SETD7: variants seen among roughly 807,000 people sequenced by gnomAD.
SETD7 encodes the protein SET domain containing 7, histone lysine methyltransferase.
In SETD7, 16 loss-of-function variants were observed where a neutral mutation model predicts 41.8. The ratio of observed to expected loss-of-function variants is 0.38; its 90% CI spans 0.26 to 0.58. The LOEUF is 0.58. Among genes scored for constraint, SETD7 ranks in the 20% least tolerant of loss-of-function variants. The pLI is 0.64. For synonymous variants in SETD7, 163 were observed against 169.7 expected, an observed-to-expected ratio of 0.96 and a Z score of 0.31; for missense variants, 346 against 459.7, an observed-to-expected ratio of 0.75 and a Z score of 2.26.
At chr4:139,514,326 T>C (rs983228922) in intron 7 of SETD7, among the ~76,000 whole-genome samples, 2 of 151,906 alleles carry the variant, frequency 1.3e-5, no homozygotes, top group African/African-American at 4.8e-5. Context: ...CTAAAAAAAA[T>C]GTTCCTGAAA....
chr4:139,545,225 C>T (rs1219503621), intron 2 of SETD7, among the ~76,000 whole-genome samples: 1 of 152,062 alleles, frequency 6.6e-6, no homozygotes, highest in East Asian at 1.9e-4. Flanking sequence ...CTCTGTCACC[C>T]AGGCTGGAGT....
At chr4:139,548,978 T>C (rs528303473) in intron 1 of SETD7, among the ~76,000 whole-genome samples, 1 of 152,318 alleles carries the variant, frequency 6.6e-6, no homozygotes, top group East Asian at 1.9e-4. Context: ...AAATATCTGA[T>C]GCCATTTCTC....
intron 4 of SETD7, among the ~76,000 whole-genome samples, chr4:139,526,991 T>C (rs763052493): frequency 6.6e-6 from 1 of 152,240 alleles, no homozygotes; most frequent in Non-Finnish European, 1.5e-5. Flanking sequence ...ATATACGACA[T>C]GCATCACTTA....
intron 2 of SETD7, among the ~76,000 whole-genome samples, chr4:139,543,665 T>C (rs1004604352): frequency 1.7e-4 from 26 of 152,024 alleles, no homozygotes; most frequent in African/African-American, 5.8e-4. Context: ...TAAAAATTAG[T>C]GAATTGGGTG....
At chr4:139,530,748 A>G (rs1476890120) in intron 3 of SETD7, among the ~76,000 whole-genome samples, 1 of 152,216 alleles carries the variant, frequency 6.6e-6, no homozygotes, top group Non-Finnish European at 1.5e-5. Context: ...TTATTTGTCC[A>G]GAATGATAAA....
intron 4 of SETD7, among the ~76,000 whole-genome samples, chr4:139,525,171 G>A (rs1727291486): frequency 6.6e-6 from 1 of 152,162 alleles, no homozygotes; most frequent in Non-Finnish European, 1.5e-5. Flanking sequence ...CTATTGAGTG[G>A]AAATTTTCCT....
At chr4:139,526,407 T>C (rs2725780) in intron 4 of SETD7, among the ~76,000 whole-genome samples, 68,045 of 150,088 alleles carry the variant, frequency 0.45, 17,179 homozygotes, top group Admixed American at 0.54. Flanking sequence ...GTAGCTGAGA[T>C]TACAGACACA....
intron 3 of SETD7, among the ~76,000 whole-genome samples, chr4:139,530,755 T>C (rs1188739774): frequency 2.0e-5 from 3 of 152,228 alleles, no homozygotes; most frequent in Non-Finnish European, 4.4e-5. Context: ...TCCAGAATGA[T>C]AAAGTAGAAA....
chr4:139,530,361 T>C (rs74370628), intron 3 of SETD7, among the ~76,000 whole-genome samples: 1 of 66,572 alleles, frequency 1.5e-5, no homozygotes. Context: ...GCTGCCTTTT[T>C]TTTTTTTTTT....
At chr4:139,512,680 G>A (rs1467133132) in intron 7 of SETD7, among the ~76,000 whole-genome samples, 1 of 150,982 alleles carries the variant, frequency 6.6e-6, no homozygotes, top group Non-Finnish European at 1.5e-5. Context: ...ATGGCCAGAA[G>A]AAATCAGCTT....
intron 2 of SETD7, among the ~76,000 whole-genome samples, chr4:139,537,564 C>T (rs1477398002): frequency 6.6e-6 from 1 of 152,224 alleles, no homozygotes; most frequent in Non-Finnish European, 1.5e-5. Context: ...TTACAGAACA[C>T]TCCATGTCTT....
rs113317997 is a variant in SETD7, at chr4:139,518,317, C to T, written c.763-275G>A. The stretch of plus-strand genomic sequence containing the variant: ...CTAGTTTTTGTATATTTTGTAGAGA[C>T]GGGGTTTCACCATGTTGGCCAGGCT... On this transcript the variant is annotated intron_variant, in intron 6 of 7. Coordinates refer to ENST00000274031, the MANE Select transcript of SETD7 (RefSeq NM_030648.4). Among the ~76,000 whole-genome samples, 74 of 152,146 alleles carry T rather than the reference C, an allele frequency of 4.9e-4. No homozygotes were observed. The East Asian group carries it at 0.011, about 22-fold the overall frequency.
chr4:139,513,893 G>T (rs1285986718), intron 7 of SETD7, among the ~76,000 whole-genome samples: 2 of 152,234 alleles, frequency 1.3e-5, no homozygotes, highest in Admixed American at 6.5e-5. Flanking sequence ...GAACACAAAA[G>T]TGAACAGTTA....
chr4:139,545,497 C>G (rs2111170303), intron 2 of SETD7, among the ~76,000 whole-genome samples: 1 of 152,260 alleles, frequency 6.6e-6, no homozygotes, highest in Non-Finnish European at 1.5e-5. Context: ...AGTAAAATAT[C>G]TGACAATTTA....
chr4:139,503,179 G>GAAA (rs11388022), downstream of SETD7, among the ~76,000 whole-genome samples: 65 of 72,904 alleles, frequency 8.9e-4, 1 homozygote, highest in Non-Finnish European at 9.7e-4. Context: ...CTCTGTCTCA[G>GAAA]AAAAAAAAAA....
intron 4 of SETD7, among the ~76,000 whole-genome samples, chr4:139,527,553 G>A (rs1430358905): frequency 2.0e-5 from 3 of 152,060 alleles, no homozygotes; most frequent in Non-Finnish European, 4.4e-5. Context: ...GTGAAATCCT[G>A]TCCCTTAAAA....
Position 139,506,322 on chromosome 4 carries a change from C to A in SETD7, c.*5341G>T, listed in dbSNP as rs554275100. The A allele has an allele frequency of 6.6e-6, 1 of 152,596 alleles. No homozygotes were observed. The highest frequency in any genetic ancestry group is 1.5e-5 in the Non-Finnish European group (1 of 68,038). 9.5% of individuals were successfully genotyped at this position (152,596 alleles called of 1,614,324 possible). A position where few individuals can be genotyped will look rare whatever the true frequency, so the allele number is the denominator to read the frequency against. On this transcript the variant is annotated 3_prime_UTR_variant, in exon 8 of 8. Transcript: ENST00000274031. ...GTTTTAGTTCAAATTCCACAAGAGACCAAAGATGCTCGTTAACCGTGATGG... is the reference window on the plus strand; with the variant it reads ...GTTTTAGTTCAAATTCCACAAGAGAACAAAGATGCTCGTTAACCGTGATGG...
intron 7 of SETD7, among the ~76,000 whole-genome samples, chr4:139,499,560 C>A (rs776171661): frequency 6.6e-6 from 1 of 152,200 alleles, no homozygotes; most frequent in Non-Finnish European, 1.5e-5. Flanking sequence ...AAGACCCCCC[C>A]TCCCAGGAAC....
At chr4:139,504,120 T>C (rs1726647776), downstream of SETD7, among the ~76,000 whole-genome samples, 1 of 152,188 alleles carries the variant, frequency 6.6e-6, no homozygotes, top group South Asian at 2.1e-4. Flanking sequence ...TGTGAGATAG[T>C]AAACCTTCTT....
Sources: gnomAD v4.1 joint callset for allele counts (sites outside exome capture counted in the v4.1 genomes callset) on GRCh38, gnomAD v4.1.1 for gene constraint, MANE v1.5 for transcripts, NCBI Gene and HGNC (gene_info 2026-07-23, HGNC 2026-07-21) for gene names.